The following ANKH variants were observed in gnomAD, a reference collection of about 807,000 sequenced individuals.
ANKH encodes the protein mineralization regulator ANKH.
A neutral mutation model predicts 49.0 loss-of-function variants in ANKH; 15 were observed. The ratio of observed to expected loss-of-function variants is 0.31; its 90% CI spans 0.20 to 0.47. The LOEUF is 0.47. ANKH is among the 20% of genes least tolerant of loss of function. The pLI is 1.00. For missense variants in ANKH, 429 were observed against 652.0 expected, an observed-to-expected ratio of 0.66 and a Z score of 3.72; for synonymous variants, 273 against 260.0, an observed-to-expected ratio of 1.05 and a Z score of -0.48.
intron 1 of ANKH, among the ~76,000 whole-genome samples, chr5:14,801,108 C>T (rs1398199813): frequency 6.6e-6 from 1 of 152,180 alleles, no homozygotes; most frequent in Non-Finnish European, 1.5e-5. Flanking sequence ...TTGTGGTGGT[C>T]TGGAACCGAA....
intron 2 of ANKH, chr5:14,768,463 C>G (rs1402744448): frequency 5.3e-6 from 1 of 188,696 alleles, no homozygotes; most frequent in Non-Finnish European, 1.1e-5. Flanking sequence ...ATGTATGATA[C>G]AGCTTTCCTG....
intron 1 of ANKH, among the ~76,000 whole-genome samples, chr5:14,824,993 G>A (rs1175816790): frequency 6.6e-6 from 1 of 152,150 alleles, no homozygotes; most frequent in Non-Finnish European, 1.5e-5. Flanking sequence ...ACAGACAGAC[G>A]GATGGTCTAA....
In ANKH at chr5:14,770,419, A is replaced by G. The variant is rs909316989; in HGVS notation, c.97-1228T>C. On this transcript the variant is annotated intron_variant, in intron 1 of 11. Coordinates refer to ENST00000284268, the MANE Select transcript of ANKH (RefSeq NM_054027.6). The surrounding 1 kb of genome is among the most constrained non-coding windows in gnomAD (Gnocchi z 4.1). Reference sequence around the variant, plus strand: ...ATGGAAAGTACCTATGTTTTTTCCTATATATACTATGTTTTTTCCTATATA... The same window carrying G: ...ATGGAAAGTACCTATGTTTTTTCCTGTATATACTATGTTTTTTCCTATATA... Among the ~76,000 whole-genome samples, 1 of 152,186 alleles carries G rather than the reference A, an allele frequency of 6.6e-6. No individual in the cohort carries two copies. Among genetic ancestry groups the G allele is most frequent in the Non-Finnish European group, 1.5e-5 (1 of 68,044 alleles).
chr5:14,751,395 G>A (rs995555672), intron 4 of ANKH, among the ~76,000 whole-genome samples, 156 bp from the exon 5 acceptor site: 1 of 152,178 alleles, frequency 6.6e-6, no homozygotes, highest in Non-Finnish European at 1.5e-5. Context: ...ACCCAATGTC[G>A]CTCTCATGTA....
chr5:14,822,840 A>G (rs1350545121), intron 1 of ANKH, among the ~76,000 whole-genome samples: 1 of 152,142 alleles, frequency 6.6e-6, no homozygotes, highest in Non-Finnish European at 1.5e-5. Flanking sequence ...AGGTCAGGAG[A>G]TCGAGACCAC....
chr5:14,740,166 C>T (rs1032365816), intron 8 of ANKH, among the ~76,000 whole-genome samples: 69 of 152,238 alleles, frequency 4.5e-4, no homozygotes, highest in African/African-American at 1.6e-3. Context: ...GCAGAGCCAG[C>T]GGCAGCCAGG....
intron 2 of ANKH, among the ~76,000 whole-genome samples, chr5:14,761,491 A>G (rs1739077351): frequency 6.6e-6 from 1 of 152,134 alleles, no homozygotes; most frequent in Non-Finnish European, 1.5e-5. Context: ...GCTGAGAAGG[A>G]AAAGAAACTC....
At chr5:14,814,596 A>T (rs1225525341) in intron 1 of ANKH, among the ~76,000 whole-genome samples, 1 of 152,234 alleles carries the variant, frequency 6.6e-6, no homozygotes, top group Non-Finnish European at 1.5e-5. Context: ...ATGCAGTGAG[A>T]CCTTGTCTCA....
chr5:14,713,036 G>A lies in ANKH; in HGVS notation c.1266-63C>T, dbSNP rs979181378. On this transcript the variant is annotated intron_variant, in intron 10 of 11. Coordinates refer to ENST00000284268, the MANE Select transcript of ANKH (RefSeq NM_054027.6). The surrounding 1 kb of genome is among the most constrained non-coding windows in gnomAD (Gnocchi z 4.4). ...GCCAAGTCAAGGCACAACCGTCGATGCCAAAACCCAGGAAAGTAAGTGTAG... is the reference window on the plus strand; with the variant it reads ...GCCAAGTCAAGGCACAACCGTCGATACCAAAACCCAGGAAAGTAAGTGTAG... 9 of 1,488,558 alleles carry A rather than the reference G, an allele frequency of 6.0e-6. No homozygotes were observed. The Admixed American group carries it at 9.4e-5, about 16-fold the overall frequency. The allele number at this position is 1,488,558 out of a possible 1,614,324, so 92.2% of individuals were successfully genotyped here.
chr5:14,772,984 G>A (rs1025404348), intron 1 of ANKH, among the ~76,000 whole-genome samples: 4 of 152,224 alleles, frequency 2.6e-5, no homozygotes, highest in Non-Finnish European at 5.9e-5. Flanking sequence ...GACCACTGTG[G>A]TACAATTCAT....
At chr5:14,730,998 G>A (rs951948311) in intron 8 of ANKH, among the ~76,000 whole-genome samples, 3 of 152,236 alleles carry the variant, frequency 2.0e-5, no homozygotes, top group Admixed American at 6.5e-5. Flanking sequence ...CAAGAAGCCC[G>A]ACGGGGCCCT....
At chr5:14,788,352 G>T (rs1424356983) in intron 1 of ANKH, 1 of 152,220 alleles carries the variant, frequency 6.6e-6, no homozygotes, top group Non-Finnish European at 1.5e-5. Context: ...TTTACTCAAA[G>T]AACTACTTCA....
intron 1 of ANKH, among the ~76,000 whole-genome samples, chr5:14,802,619 C>G (rs1740597245): frequency 6.6e-6 from 1 of 151,990 alleles, no homozygotes; most frequent in Non-Finnish European, 1.5e-5. Flanking sequence ...GGTCTGGTCC[C>G]TCACCTCCTC....
intron 1 of ANKH, among the ~76,000 whole-genome samples, chr5:14,813,472 C>T (rs1251435317): frequency 1.3e-5 from 2 of 151,026 alleles, no homozygotes; most frequent in Admixed American, 6.6e-5. Flanking sequence ...AGCATAAATA[C>T]AGAAGAGTCA....
At position 14,713,630 on chromosome 5, in the gene ANKH, T is replaced by C. The variant is rs1326006246; in HGVS notation, c.1179A>G (p.Thr393=). ...GGGCAAGGACGAAGGTTTTCTTCAG[T>C]GTCATCAGCCACCCGGTGAGATGCG... ...VRAHLTGWLM[T]LKKTFVLAPS... The change falls in exon 10 of 12, where the codon ACA becomes ACG. Residue 393 remains threonine (T), a synonymous_variant. Transcript: ENST00000284268. This position sits in a 1 kb window ranked among gnomAD's most constrained non-coding sequence, Gnocchi z 4.4. The C allele has an allele frequency of 3.1e-6, 5 of 1,614,066 alleles. No individual in the cohort carries two copies. In the African/African-American group the frequency reaches 6.7e-5, roughly 22 times the overall value.
At chr5:14,809,387 A>AAAAAT (rs1253459273) in intron 1 of ANKH, among the ~76,000 whole-genome samples, 3 of 151,310 alleles carry the variant, frequency 2.0e-5, no homozygotes, top group Non-Finnish European at 2.9e-5. Flanking sequence ...ATAAGGAAAA[A>AAAAAT]AAAATAAAAT....
At chr5:14,729,216 G>T (rs893553403) in intron 8 of ANKH, among the ~76,000 whole-genome samples, 12 of 152,080 alleles carry the variant, frequency 7.9e-5, no homozygotes, top group African/African-American at 2.9e-4. Flanking sequence ...ACCATGCCTG[G>T]CTAATTTTGT....
chr5:14,797,677 G>A, intron 1 of ANKH: 1 of 1,597,662 alleles, frequency 6.3e-7, no homozygotes, highest in South Asian at 1.1e-5. Flanking sequence ...GACCCAAACA[G>A]AGACTCACAG....
intron 8 of ANKH, among the ~76,000 whole-genome samples, chr5:14,735,867 TAAG>T (rs1024011803): frequency 1.3e-5 from 2 of 152,070 alleles, no homozygotes; most frequent in African/African-American, 4.8e-5. Context: ...GACTTTAACA[TAAG>T]AAGGTTTGGC....
Sources: gnomAD v4.1 joint callset for allele counts (sites outside exome capture counted in the v4.1 genomes callset) on GRCh38, gnomAD v4.1.1 for gene constraint, Gnocchi (gnomAD v3.1) non-coding constraint, MANE v1.5 for transcripts, NCBI Gene and HGNC (gene_info 2026-07-23, HGNC 2026-07-21) for gene names.